Variants in CHEK1 observed in about 807,000 individuals in gnomAD.
The protein encoded by CHEK1 is serine/threonine-protein kinase Chk1.
In CHEK1, 32 loss-of-function variants were observed where a neutral mutation model predicts 60.2. The ratio of observed to expected loss-of-function variants is 0.53; its 90% CI spans 0.40 to 0.71. CHEK1 has a LOEUF of 0.71. Among genes scored for constraint, CHEK1 ranks in the 30% least tolerant of loss-of-function variants. The probability of loss-of-function intolerance (pLI) is 0.00; values close to 1 mark genes in which losing one functional copy is unlikely to be tolerated. For missense variants in CHEK1, 399 were observed against 564.6 expected, an observed-to-expected ratio of 0.71 and a Z score of 2.97; for synonymous variants, 179 against 187.2, an observed-to-expected ratio of 0.96 and a Z score of 0.36.
intron 7 of CHEK1, among the ~76,000 whole-genome samples, chr11:125,636,370 G>A (rs1048572459): frequency 1.4e-4 from 21 of 152,106 alleles, no homozygotes; most frequent in Admixed American, 9.2e-4. Context: ...TCACTTTGTT[G>A]GAGATTTTTC....
chr11:125,668,870 T>C (rs1942146563), intron 13 of CHEK1, among the ~76,000 whole-genome samples: 1 of 152,222 alleles, frequency 6.6e-6, no homozygotes, highest in Non-Finnish European at 1.5e-5. Context: ...ATTTTATTTA[T>C]TAGCTTTTTA....
At chr11:125,646,765 A>G (rs1391411940) in intron 11 of CHEK1, among the ~76,000 whole-genome samples, 7 of 152,158 alleles carry the variant, frequency 4.6e-5, no homozygotes, top group Admixed American at 1.3e-4. Context: ...CCATTTCTTT[A>G]TAACAGTATC....
chr11:125,652,080 T>G (rs1941757202), intron 11 of CHEK1, among the ~76,000 whole-genome samples: 1 of 152,242 alleles, frequency 6.6e-6, no homozygotes, highest in Non-Finnish European at 1.5e-5. Flanking sequence ...AGTCGTGGTA[T>G]GGTTGTGTGT....
At chr11:125,645,463 A>G (rs1399591774) in intron 11 of CHEK1, among the ~76,000 whole-genome samples, 1 of 152,172 alleles carries the variant, frequency 6.6e-6, no homozygotes, top group Non-Finnish European at 1.5e-5. Flanking sequence ...TTTTTTACTC[A>G]AGGAGACTAA....
intron 2 of CHEK1, 60 bp downstream of exon 2, chr11:125,626,893 A>G: frequency 6.5e-7 from 1 of 1,534,728 alleles, no homozygotes; most frequent in Non-Finnish European, 9.0e-7. Context: ...TTGGAGTCTC[A>G]CACTCTGGTG....
chr11:125,641,445 G>A (rs1348147212), intron 8 of CHEK1, among the ~76,000 whole-genome samples: 1 of 151,850 alleles, frequency 6.6e-6, no homozygotes, highest in Non-Finnish European at 1.5e-5. Flanking sequence ...TGGTTTCATG[G>A]CTCTAAATAA....
intron 13 of CHEK1, chr11:125,672,299 TA>T (rs1942224241): frequency 3.8e-6 from 1 of 265,972 alleles, no homozygotes; most frequent in African/African-American, 2.2e-5. Context: ...GCAACTAGAT[TA>T]ATGGGGGAAA....
chr11:125,678,259 C>G, downstream of CHEK1: 1 of 1,614,116 alleles, frequency 6.2e-7, no homozygotes, highest in Non-Finnish European at 8.5e-7. Flanking sequence ...GTTTGATGAT[C>G]TATGGAGCCA....
Position 125,635,430 on chromosome 11 carries a change from A to G in CHEK1, c.615A>G (p.Glu205=). ...GIVLTAMLAG[E]LPWDQPSDSC... ...AACTGGGACTTGCTTTGTTTTTAGAATTGCCATGGGACCAACCCAGTGACA... is the reference window on the plus strand; with the variant it reads ...AACTGGGACTTGCTTTGTTTTTAGAGTTGCCATGGGACCAACCCAGTGACA... Residue 205 remains glutamate (E), a splice_region_variant and synonymous_variant, in exon 7 of 13, where the codon GAA becomes GAG. Transcript: ENST00000438015. 1 of 1,552,716 alleles carries G rather than the reference A, an allele frequency of 6.4e-7. No homozygotes were observed. Among genetic ancestry groups the G allele is most frequent in the Non-Finnish European group, 8.7e-7 (1 of 1,154,580 alleles).
rs772109563 is a variant in CHEK1 at position 125,644,435 on chromosome 11, A to T, written c.1102-77A>T. ...GAGGCCTTCATGCAAAATAATTTTA[A>T]GTCAGACTAAATAGCTATGATATTA... On this transcript the variant is annotated intron_variant, in intron 10 of 12. Coordinates refer to ENST00000438015, the MANE Select transcript of CHEK1 (RefSeq NM_001114122.3). The T allele has an allele frequency of 4.0e-4, 616 of 1,539,552 alleles. 1 individual carries two copies. Among genetic ancestry groups the T allele is most frequent in the Non-Finnish European group, 4.9e-4 (566 of 1,145,708 alleles).
chr11:125,629,728 A>ATTT (rs36086157), intron 5 of CHEK1, among the ~76,000 whole-genome samples: 1 of 148,158 alleles, frequency 6.7e-6, no homozygotes, highest in African/African-American at 2.5e-5. Flanking sequence ...TATAAGAATA[A>ATTT]TTTTTTTTTT....
In CHEK1 at chr11:125,644,168, A is replaced by G. The variant is rs781018582; in HGVS notation, c.1001A>G (p.Tyr334Cys). 26 of 1,614,204 alleles carry G rather than the reference A, an allele frequency of 1.6e-5. No homozygotes were observed. Among genetic ancestry groups the G allele is most frequent in the Non-Finnish European group, 2.1e-5 (25 of 1,180,026 alleles). Residue 334 changes from tyrosine to cysteine, a missense_variant, in exon 10 of 13, where the codon TAC becomes TGC. By Grantham distance (194) the Tyr-to-Cys change is radical (BLOSUM62 -2). Around this residue, in one of 2 missense-constraint regions of CHEK1, gnomAD observed 370 missense variants for 494.8 expected, o/e 0.75. Coordinates refer to ENST00000438015, the MANE Select transcript of CHEK1 (RefSeq NM_001114122.3). ...TCCTTATGGGATACCAGCCCCTCATACATTGATAAATTGGTACAAGGGATC... is the reference window on the plus strand; with the variant it reads ...TCCTTATGGGATACCAGCCCCTCATGCATTGATAAATTGGTACAAGGGATC... ...GLSLWDTSPSYIDKLVQGISF... is the reference protein window; with the variant it reads ...GLSLWDTSPSCIDKLVQGISF...
At position 125,629,345 on chromosome 11, in the gene CHEK1, A is replaced by G. The variant is rs780329343; in HGVS notation, c.355-46A>G. On this transcript the variant is annotated intron_variant, in intron 4 of 12. Transcript: ENST00000438015. Reference sequence around the variant, plus strand: ...TTTTACTTAAAATTAGAGTGAATACATTACATTACCAAATTCTAGTGTGTT... The same window carrying G: ...TTTTACTTAAAATTAGAGTGAATACGTTACATTACCAAATTCTAGTGTGTT... 5.0e-6 allele frequency: 8 copies of G among 1,611,906 alleles called. No individual in the cohort carries two copies. In the Admixed American group the frequency reaches 1.0e-4, roughly 20 times the overall value.
At chr11:125,640,676 C>A (rs1442075732) in intron 8 of CHEK1, among the ~76,000 whole-genome samples, 1 of 152,134 alleles carries the variant, frequency 6.6e-6, no homozygotes, top group African/African-American at 2.4e-5. Flanking sequence ...CTTAAATGAT[C>A]CTCCCATCTC....
At chr11:125,640,650 A>G (rs1456344503) in intron 8 of CHEK1, among the ~76,000 whole-genome samples, 2 of 151,518 alleles carry the variant, frequency 1.3e-5, no homozygotes, top group Non-Finnish European at 2.9e-5. Context: ...ACTTACTGAA[A>G]CCTCTACCTC....
At chr11:125,635,584 C>G (rs762145968) in intron 7 of CHEK1, 51 bp downstream of exon 7, 1 of 1,170,730 alleles carries the variant, frequency 8.5e-7, no homozygotes, top group Non-Finnish European at 1.2e-6. Flanking sequence ...GATATGAAGT[C>G]TTGTGCTATT....
chr11:125,640,497 G>A (rs1469972318), intron 8 of CHEK1, among the ~76,000 whole-genome samples: 3 of 148,246 alleles, frequency 2.0e-5, no homozygotes, highest in Non-Finnish European at 4.4e-5. Context: ...AGCCGAGATC[G>A]CACCACTGCA....
At chr11:125,640,800 A>C (rs1351661756) in intron 8 of CHEK1, among the ~76,000 whole-genome samples, 1 of 152,014 alleles carries the variant, frequency 6.6e-6, no homozygotes. Flanking sequence ...CCAAAAATAC[A>C]AAAATTAGCC....
At chr11:125,649,624 G>C (rs929775621) in intron 11 of CHEK1, 3 of 152,134 alleles carry the variant, frequency 2.0e-5, no homozygotes, top group African/African-American at 7.2e-5. Flanking sequence ...CTATTGGGGA[G>C]GCTTTAGGTG....
Sources: gnomAD v4.1 joint callset for allele counts (sites outside exome capture counted in the v4.1 genomes callset) on GRCh38, gnomAD v4.1.1 for gene constraint, gnomAD v4.1.1 regional missense constraint, MANE v1.5 for transcripts, NCBI Gene and HGNC (gene_info 2026-07-23, HGNC 2026-07-21) for gene names.